TJP1: variants seen among roughly 807,000 people sequenced by gnomAD.
The protein encoded by TJP1 is tight junction protein 1.
A neutral mutation model predicts 194.2 loss-of-function variants in TJP1; 43 were observed. The ratio of observed to expected loss-of-function variants is 0.22; its 90% confidence interval spans 0.17 to 0.29. The LOEUF is 0.29. Ranked by LOEUF, TJP1 falls within the 10% of genes least tolerant of loss-of-function variation. The pLI, the probability that TJP1 is intolerant of heterozygous loss-of-function variation, is 1.00. For synonymous variants in TJP1, 801 were observed against 779.0 expected, an observed-to-expected ratio of 1.03 and a Z score of -0.47; for missense variants, 1,971 against 2,185.7, an observed-to-expected ratio of 0.90 and a Z score of 1.96.
At chr15:29,836,955 G>T (rs771888640) in intron 2 of TJP1, among the ~76,000 whole-genome samples, 4 of 152,150 alleles carry the variant, frequency 2.6e-5, no homozygotes, top group African/African-American at 4.8e-5. Context: ...GGACCTTGCA[G>T]CTTCCAAAAC....
At position 29,718,124 on chromosome 15, in the gene TJP1, T is replaced by TAA. The variant is rs563006679; in HGVS notation, c.3877-8_3877-7dup. 2.0e-3 allele frequency: 2,886 copies of TAA among 1,420,002 alleles called. No individual in the cohort carries two copies. Among genetic ancestry groups the TAA allele is most frequent in the South Asian group, 3.0e-3 (235 of 78,450 alleles). 88.0% of individuals were successfully genotyped at this position (1,420,002 alleles called of 1,614,324 possible). A position where few individuals can be genotyped will look rare whatever the true frequency, so the allele number is the denominator to read the frequency against. On this transcript the variant is annotated splice_polypyrimidine_tract_variant and splice_region_variant and intron_variant, in intron 21 of 27. Coordinates refer to ENST00000614355, the MANE Select transcript of TJP1 (RefSeq NM_001330239.4). The stretch of plus-strand genomic sequence containing the variant: ...TTAGATGCTACTTCTGGAGGCTGTT[T>TAA]AAAAAAAAAAAAAAAAAAAAGACAA...
chr15:29,813,869 T>C (rs1057044764), intron 1 of TJP1, among the ~76,000 whole-genome samples: 3 of 152,204 alleles, frequency 2.0e-5, no homozygotes, highest in African/African-American at 7.2e-5. Flanking sequence ...ACACACGAGG[T>C]AACCAACAAA....
chr15:29,775,594 A>T (rs2046965341), intron 2 of TJP1, among the ~76,000 whole-genome samples: 3 of 152,180 alleles, frequency 2.0e-5, no homozygotes, highest in Admixed American at 2.0e-4. Flanking sequence ...CACTGGGGGA[A>T]CATACACCCC....
At chr15:29,796,756 A>G (rs892704787) in intron 2 of TJP1, among the ~76,000 whole-genome samples, 2 of 152,218 alleles carry the variant, frequency 1.3e-5, no homozygotes, top group African/African-American at 4.8e-5. Flanking sequence ...GATTTGCCCT[A>G]CCTGATTTCC....
At chr15:29,757,033 A>G (rs572164871) in intron 8 of TJP1, among the ~76,000 whole-genome samples, 1 of 152,286 alleles carries the variant, frequency 6.6e-6, no homozygotes, top group African/African-American at 2.4e-5. Context: ...CTAATTTCTC[A>G]CCATTCTGTA....
At chr15:29,826,223 C>T (rs574699146), upstream of TJP1, among the ~76,000 whole-genome samples, 6 of 151,876 alleles carry the variant, frequency 4.0e-5, no homozygotes, top group African/African-American at 1.4e-4. Flanking sequence ...AGTTATTCCT[C>T]GAAAGAATTC....
At chr15:29,968,241 G>T in intron 1 of TJP1, 1 of 985,344 alleles carries the variant, frequency 1.0e-6, no homozygotes, top group Non-Finnish European at 1.2e-6. Flanking sequence ...CGAATTTTTG[G>T]AAAATAACTG....
chr15:29,882,666 G>A (rs2152136238), intron 2 of TJP1, among the ~76,000 whole-genome samples: 1 of 152,340 alleles, frequency 6.6e-6, no homozygotes, highest in South Asian at 2.1e-4. Context: ...ATCTCCATGT[G>A]TCGGACCGAA....
rs556631693 is a variant in TJP1 at position 29,906,416 on chromosome 15, C to T, written c.306+49816G>A. ...TGAACCCAGGAAGCGGAGGTTGAGCCGAGATCGCACCATTGCACTCCAGCC... is the reference window on the plus strand; with the variant it reads ...TGAACCCAGGAAGCGGAGGTTGAGCTGAGATCGCACCATTGCACTCCAGCC... On this transcript the variant is annotated intron_variant, in intron 2 of 28. Transcript: ENST00000356107. 8.0e-5 allele frequency among the ~76,000 whole-genome samples: 12 copies of T among 150,292 alleles called. No homozygotes were observed. In the East Asian group the frequency reaches 1.8e-3, roughly 22 times the overall value.
chr15:29,731,080 T>TC, intron 15 of TJP1: 1 of 493,086 alleles, frequency 2.0e-6, no homozygotes, highest in Non-Finnish European at 3.6e-6. Flanking sequence ...TTTGTTTTAC[T>TC]TTTTTTTTTT....
chr15:29,848,551 C>T (rs867330727), intron 2 of TJP1, among the ~76,000 whole-genome samples: 1 of 152,150 alleles, frequency 6.6e-6, no homozygotes, highest in Non-Finnish European at 1.5e-5. Flanking sequence ...AAAAATAAAA[C>T]TTTCAGTATA....
At chr15:29,904,897 A>T (rs565506851) in intron 2 of TJP1, among the ~76,000 whole-genome samples, 1 of 152,318 alleles carries the variant, frequency 6.6e-6, no homozygotes, top group South Asian at 2.1e-4. Flanking sequence ...ATGGAGGTAG[A>T]GACTGCAGCG....
At chr15:29,719,207 A>G in intron 20 of TJP1, 69 bp from the exon 21 acceptor site, 1 of 1,415,772 alleles carries the variant, frequency 7.1e-7, no homozygotes, top group Non-Finnish European at 9.5e-7. Context: ...TTAGACTGTG[A>G]TTAAATATTA....
chr15:29,709,135 T>C (rs762213282), intron 24 of TJP1, 99 bp from the exon 25 acceptor site: 6 of 1,158,372 alleles, frequency 5.2e-6, no homozygotes, highest in Non-Finnish European at 7.4e-6. Context: ...GAGGCCCAAA[T>C]GTGGGTCGCA....
chr15:29,818,670 A>ATTTTTTT (rs11312672), intron 1 of TJP1, among the ~76,000 whole-genome samples: 1 of 124,714 alleles, frequency 8.0e-6, no homozygotes, highest in Non-Finnish European at 1.7e-5. Context: ...AGGCCCGGCT[A>ATTTTTTT]TTTTTTTTTT....
At chr15:29,789,614 T>A (rs1232669200) in intron 2 of TJP1, among the ~76,000 whole-genome samples, 1 of 152,184 alleles carries the variant, frequency 6.6e-6, no homozygotes, top group African/African-American at 2.4e-5. Context: ...ATGAAGCATA[T>A]ATTATTCTAG....
At position 29,762,458 on chromosome 15, in the gene TJP1, T is replaced by A; in HGVS notation, c.590-20A>T. The A allele has an allele frequency of 6.3e-7, 1 of 1,590,126 alleles. No individual in the cohort carries two copies. The highest frequency in any genetic ancestry group is 8.6e-7 in the Non-Finnish European group (1 of 1,161,136). ...CATATTCTGAAATAATGTAAGTAAGTGTTTTTAGTATAACATCCTAAGACA... is the reference window on the plus strand; with the variant it reads ...CATATTCTGAAATAATGTAAGTAAGAGTTTTTAGTATAACATCCTAAGACA... On this transcript the variant is annotated intron_variant, in intron 5 of 27. Transcript: ENST00000614355.
At chr15:29,706,944 C>T (rs865857077) in intron 25 of TJP1, among the ~76,000 whole-genome samples, 28 of 152,220 alleles carry the variant, frequency 1.8e-4, no homozygotes, top group Middle Eastern at 3.4e-3. Context: ...CATGAGCCAC[C>T]GTGCCTGGCT....
At chr15:29,793,298 T>C (rs2048209722) in intron 2 of TJP1, among the ~76,000 whole-genome samples, 1 of 152,208 alleles carries the variant, frequency 6.6e-6, no homozygotes, top group South Asian at 2.1e-4. Flanking sequence ...AGTTGAGTTT[T>C]TATCATGAAG....
Sources: gnomAD v4.1 joint callset for allele counts (sites outside exome capture counted in the v4.1 genomes callset) on GRCh38, gnomAD v4.1.1 for gene constraint, MANE v1.5 for transcripts, NCBI Gene and HGNC (gene_info 2026-07-23, HGNC 2026-07-21) for gene names.